Variants in NLN observed in about 807,000 individuals in gnomAD.
The protein encoded by NLN is neurolysin, mitochondrial.
NLN carries 64 observed loss-of-function variants against 79.9 expected under a neutral mutation model. The observed-to-expected ratio is 0.80, with a 90% CI of 0.65 to 0.99. NLN has a LOEUF of 0.99. NLN is among the 50% of genes least tolerant of loss of function. The pLI is 0.00. For synonymous variants in NLN, 267 were observed against 296.6 expected (o/e 0.90, Z 1.02); for missense variants, 835 against 858.7 (o/e 0.97, Z 0.34).
Position 65,822,949 on chromosome 5 carries a change from G to A in NLN, c.*34G>A, listed in dbSNP as rs757109314. On this transcript the variant is annotated 3_prime_UTR_variant, in exon 13 of 13. Coordinates refer to ENST00000380985, the MANE Select transcript of NLN (RefSeq NM_020726.5). ...TCTTTGGTAGCCGTCCATGTCTGGA[G>A]GACAAGTCGACATCACCATGTGTTA... is the stretch of plus-strand genomic sequence containing the variant. The A allele has an allele frequency of 6.3e-7, 1 of 1,596,516 alleles. No individual in the cohort carries two copies. Among genetic ancestry groups the A allele is most frequent in the Non-Finnish European group, 8.6e-7 (1 of 1,165,304 alleles).
rs1177465306 is a variant in NLN, at chr5:65,763,004, A to G, written c.346A>G (p.Lys116Glu). The change falls in exon 3 of 13, where the codon AAA (lysine) becomes GAA (glutamate). Residue 116 changes from lysine to glutamate, a missense_variant. Coordinates refer to ENST00000380985, the MANE Select transcript of NLN (RefSeq NM_020726.5). Reference protein sequence around the residue: ...LDFPQHVSSDKEVRAASTEAD... With the variant: ...LDFPQHVSSDEEVRAASTEAD... ...CTTTCCCCAGCATGTATCCTCTGAC[A>G]AAGAAGTACGAGCAGCAAGTACAGA... 27 of 1,613,940 alleles carry G rather than the reference A, an allele frequency of 1.7e-5. No homozygotes were observed. Among genetic ancestry groups the G allele is most frequent in the Non-Finnish European group, 1.7e-5 (20 of 1,179,960 alleles).
chr5:65,734,638 C>G (rs1288164581), intron 1 of NLN, among the ~76,000 whole-genome samples: 1 of 152,078 alleles, frequency 6.6e-6, no homozygotes, highest in African/African-American at 2.4e-5. Context: ...TATTTCCCAG[C>G]CATATTTTGC....
intron 6 of NLN, among the ~76,000 whole-genome samples, chr5:65,785,341 A>G (rs1759895495): frequency 6.6e-6 from 1 of 152,184 alleles, no homozygotes; most frequent in South Asian, 2.1e-4. Flanking sequence ...ATGTTTTTAA[A>G]AATAGTAGCC....
chr5:65,738,934 AT>A (rs1457737018), intron 1 of NLN, among the ~76,000 whole-genome samples: 1 of 96,142 alleles, frequency 1.0e-5, no homozygotes, highest in African/African-American at 4.0e-5. Context: ...GTGTGTATAT[AT>A]ATTTTTTATA....
chr5:65,755,689 A>G (rs1021016598), intron 1 of NLN, among the ~76,000 whole-genome samples: 1 of 152,232 alleles, frequency 6.6e-6, no homozygotes, highest in Non-Finnish European at 1.5e-5. Context: ...TAGTTAGCAT[A>G]TAACTCAACT....
intron 6 of NLN, among the ~76,000 whole-genome samples, chr5:65,782,835 A>G (rs1759828692): frequency 6.6e-6 from 1 of 152,212 alleles, no homozygotes; most frequent in South Asian, 2.1e-4. Context: ...TAGCTTTCCC[A>G]AACAATTCCT....
Position 65,825,573 on chromosome 5 carries a change from A to C in NLN, c.*2658A>C, listed in dbSNP as rs1760899606. 1 of 152,162 alleles carries C rather than the reference A, an allele frequency of 6.6e-6. No homozygotes were observed. Among genetic ancestry groups the C allele is most frequent in the Non-Finnish European group, 1.5e-5 (1 of 68,030 alleles). 9.4% of individuals were successfully genotyped at this position (152,162 alleles called of 1,614,324 possible). ...TGTCCCCCTCTAGTATAAATGTTGC[A>C]TGTTACCTAGATAAACAACTAAAAA... On this transcript the variant is annotated 3_prime_UTR_variant, in exon 13 of 13. Coordinates refer to ENST00000380985, the MANE Select transcript of NLN (RefSeq NM_020726.5).
rs750123956 is a variant in NLN at position 65,788,218 on chromosome 5, T to C, written c.1059T>C (p.Asp353=). The stretch of plus-strand genomic sequence containing the variant: ...GCAAAGACAGGGGTTTTGAATATGA[T>C]GGGAAAATCAATGCCTGGGATCTAT... ...KECKDRGFEY[D]GKINAWDLYY... is the part of the protein sequence containing the mutation. Residue 353 remains aspartate, a synonymous_variant, in exon 8 of 13, where the codon GAT becomes GAC. Transcript: ENST00000380985. 4.3e-6 allele frequency: 7 copies of C among 1,614,148 alleles called. No homozygotes were observed. Among genetic ancestry groups the C allele is most frequent in the Non-Finnish European group, 5.9e-6 (7 of 1,180,012 alleles).
chr5:65,808,247 C>T (rs1392191774), intron 9 of NLN, among the ~76,000 whole-genome samples: 2 of 152,140 alleles, frequency 1.3e-5, no homozygotes, highest in East Asian at 1.9e-4. Context: ...TGTGAGATGG[C>T]GTTGACATCT....
chr5:65,749,591 C>T (rs1024561209), intron 1 of NLN, among the ~76,000 whole-genome samples: 2 of 152,136 alleles, frequency 1.3e-5, no homozygotes, highest in Non-Finnish European at 2.9e-5. Context: ...GCTTCACCAA[C>T]TGGTGATGCT....
chr5:65,723,649 C>T (rs1214431393), intron 1 of NLN, among the ~76,000 whole-genome samples: 1 of 151,330 alleles, frequency 6.6e-6, no homozygotes, highest in African/African-American at 2.4e-5. Context: ...CCCGTCTCTA[C>T]TAAAAAATAC....
chr5:65,722,239 C>T lies in NLN; in HGVS notation c.-135C>T. Reference sequence around the variant, plus strand: ...CGTGGAGCTGCCGCACGTGGGAGGGCGCTGGCCAGGCAGCCACTGTGGCCT... The same window carrying T: ...CGTGGAGCTGCCGCACGTGGGAGGGTGCTGGCCAGGCAGCCACTGTGGCCT... On this transcript the variant is annotated 5_prime_UTR_variant, in exon 1 of 13. Transcript: ENST00000380985. The T allele has an allele frequency of 5.9e-6, 3 of 512,246 alleles. No homozygotes were observed. Among genetic ancestry groups the T allele is most frequent in the Non-Finnish European group, 9.6e-6 (3 of 313,010 alleles). The allele number at this position is 512,246 out of a possible 1,614,324, so 31.7% of individuals were successfully genotyped here.
chr5:65,781,804 T>C (rs1436228782), intron 6 of NLN, among the ~76,000 whole-genome samples: 1 of 152,204 alleles, frequency 6.6e-6, no homozygotes, highest in Admixed American at 6.5e-5. Context: ...CAAGTAACCA[T>C]GAGGACCCTT....
chr5:65,821,147 T>A (rs1000914532), intron 12 of NLN, among the ~76,000 whole-genome samples: 1 of 152,032 alleles, frequency 6.6e-6, no homozygotes, highest in African/African-American at 2.4e-5. Context: ...GAATCTAGCT[T>A]CAAGCCCTCG....
chr5:65,739,716 G>T (rs536375705), intron 1 of NLN, among the ~76,000 whole-genome samples: 1 of 152,230 alleles, frequency 6.6e-6, no homozygotes, highest in South Asian at 2.1e-4. Context: ...GGTGTGAGAT[G>T]ATGTTTCATT....
intron 1 of NLN, among the ~76,000 whole-genome samples, chr5:65,744,625 A>G (rs1421067604): frequency 6.6e-6 from 1 of 152,190 alleles, no homozygotes; most frequent in Non-Finnish European, 1.5e-5. Context: ...GAGGCTGGGC[A>G]CAGTGGCTCA....
intron 9 of NLN, among the ~76,000 whole-genome samples, chr5:65,794,704 G>A (rs1477798415): frequency 6.6e-6 from 1 of 152,146 alleles, no homozygotes; most frequent in Non-Finnish European, 1.5e-5. Flanking sequence ...AGTCCAGCAG[G>A]GGGTATGAAT....
intron 1 of NLN, among the ~76,000 whole-genome samples, chr5:65,726,061 G>A (rs930662740): frequency 1.9e-4 from 29 of 150,142 alleles, no homozygotes; most frequent in Non-Finnish European, 4.1e-4. Flanking sequence ...GCAGTGCGCC[G>A]AGATTGTGCC....
rs1760888313 is a variant in NLN at position 65,825,114 on chromosome 5, A to G, written c.*2199A>G. On this transcript the variant is annotated 3_prime_UTR_variant, in exon 13 of 13. Transcript: ENST00000380985. ...AGATTCAGTCTCAAAAAAAATTAAT[A>G]CTCAAAGAATTATCTAGCATAATTT... The G allele has an allele frequency of 6.6e-6, 1 of 152,074 alleles. No individual in the cohort carries two copies. The highest frequency in any genetic ancestry group is 1.5e-5 in the Non-Finnish European group (1 of 68,022). The allele number at this position is 152,074 out of a possible 1,614,324, so 9.4% of individuals were successfully genotyped here.
Sources: allele counts gnomAD v4.1 joint callset (sites outside exome capture counted in the v4.1 genomes callset), GRCh38; gene constraint gnomAD v4.1.1; transcripts MANE v1.5; gene names NCBI Gene and HGNC (gene_info 2026-07-23, HGNC 2026-07-21).